CAMTA1: variants seen among roughly 807,000 people sequenced by gnomAD.
CAMTA1 encodes calmodulin-binding transcription activator 1.
In CAMTA1, 27 loss-of-function variants were observed where a neutral mutation model predicts 170.9. That is an observed-to-expected ratio of 0.16 (90% confidence interval 0.12 to 0.22). The LOEUF (loss-of-function observed/expected upper bound fraction) is 0.22, where lower values mean the gene tolerates loss of function less well. CAMTA1 is among the 10% of genes least tolerant of loss of function. The probability of loss-of-function intolerance (pLI) is 1.00; values close to 1 mark genes in which losing one functional copy is unlikely to be tolerated. For synonymous variants in CAMTA1, 833 were observed against 891.5 expected, an observed-to-expected ratio of 0.93 and a Z score of 1.17; for missense variants, 1,619 against 2,217.2, an observed-to-expected ratio of 0.73 and a Z score of 5.42.
chr1:6,798,115 C>T (rs934766681), intron 1 of CAMTA1, among the ~76,000 whole-genome samples: 4 of 151,506 alleles, frequency 2.6e-5, no homozygotes, highest in African/African-American at 9.7e-5. Context: ...TCCTGCCTCG[C>T]CCCCCAAGTA....
At chr1:7,070,965 G>C (rs1372342866) in intron 3 of CAMTA1, among the ~76,000 whole-genome samples, 1 of 152,232 alleles carries the variant, frequency 6.6e-6, no homozygotes, top group Non-Finnish European at 1.5e-5. Flanking sequence ...TTTGGGGCAA[G>C]AGGAAGTTTA....
At chr1:6,793,502 G>A (rs1315136030) in intron 1 of CAMTA1, among the ~76,000 whole-genome samples, 4 of 152,150 alleles carry the variant, frequency 2.6e-5, no homozygotes. Context: ...TCCAGTAAGG[G>A]CAGTACAGTC....
chr1:7,711,577 G>A (rs1022266452), intron 11 of CAMTA1, among the ~76,000 whole-genome samples: 1 of 152,160 alleles, frequency 6.6e-6, no homozygotes, highest in Non-Finnish European at 1.5e-5. Flanking sequence ...ATGAGAAAGA[G>A]GAACCAGAGC....
intron 5 of CAMTA1, among the ~76,000 whole-genome samples, chr1:7,460,077 G>C (rs953859353): frequency 6.6e-6 from 1 of 152,258 alleles, no homozygotes; most frequent in African/African-American, 2.4e-5. Flanking sequence ...GCCGCTCACT[G>C]TGGGTCCCTT....
At chr1:7,702,784 C>G (rs537715058) in intron 11 of CAMTA1, among the ~76,000 whole-genome samples, 1 of 152,088 alleles carries the variant, frequency 6.6e-6, no homozygotes, top group African/African-American at 2.4e-5. Context: ...GTGCCCAGGT[C>G]GAGATTAAAA....
At chr1:6,810,549 G>A (rs1337738295) in intron 1 of CAMTA1, among the ~76,000 whole-genome samples, 1 of 152,182 alleles carries the variant, frequency 6.6e-6, no homozygotes, top group East Asian at 1.9e-4. Flanking sequence ...GCTCATGCCT[G>A]TAATCCCAGC....
At chr1:7,575,688 A>G (rs987797478) in intron 6 of CAMTA1, among the ~76,000 whole-genome samples, 20 of 152,256 alleles carry the variant, frequency 1.3e-4, no homozygotes, top group Admixed American at 3.9e-4. Flanking sequence ...CTCAGAGGGA[A>G]AGAGTGCAGT....
chr1:7,670,892 C>T lies in CAMTA1; in HGVS notation c.2653-19C>T, dbSNP rs781055031. On this transcript the variant is annotated intron_variant, in intron 9 of 22. Coordinates refer to ENST00000303635, the MANE Select transcript of CAMTA1 (RefSeq NM_015215.4). ...AGTGGCTCACACTCCAACTCTGTTC[C>T]CCTCTCTGTTCTCTGCAGGGAGGAG... 7 of 1,612,804 alleles carry T rather than the reference C, an allele frequency of 4.3e-6. No homozygotes were observed. The highest frequency in any genetic ancestry group is 1.3e-5 in the African/African-American group (1 of 74,936).
chr1:6,808,538 C>A (rs774201203), intron 1 of CAMTA1, among the ~76,000 whole-genome samples: 1 of 152,200 alleles, frequency 6.6e-6, no homozygotes, highest in Non-Finnish European at 1.5e-5. Context: ...GCCTTCTTGA[C>A]CTTGCCCCTC....
intron 6 of CAMTA1, among the ~76,000 whole-genome samples, chr1:7,481,136 C>T (rs981613213): frequency 6.6e-6 from 1 of 152,198 alleles, no homozygotes; most frequent in Non-Finnish European, 1.5e-5. Context: ...CTCCCTCCTA[C>T]CCAGAGCTGG....
At chr1:6,912,158 A>G (rs1441788368) in intron 3 of CAMTA1, among the ~76,000 whole-genome samples, 3 of 152,212 alleles carry the variant, frequency 2.0e-5, no homozygotes, top group Admixed American at 2.0e-4. Context: ...TTACTTTTGC[A>G]GCTCAATTGC....
At chr1:7,117,738 A>G (rs1403189489) in intron 4 of CAMTA1, among the ~76,000 whole-genome samples, 1 of 152,110 alleles carries the variant, frequency 6.6e-6, no homozygotes, top group Non-Finnish European at 1.5e-5. Context: ...AAAAATCAGC[A>G]TATCTCAGCC....
chr1:7,435,315 T>G lies in CAMTA1; in HGVS notation c.439-32515T>G, dbSNP rs1179420101. The stretch of plus-strand genomic sequence containing the variant: ...GGCCCCAGGCTGCCTTTATTCTCAC[T>G]GTCTCAGGCATGAACTCAGGCCAGA... On this transcript the variant is annotated intron_variant, in intron 5 of 22. Transcript: ENST00000303635. This position sits in a 1 kb window ranked among gnomAD's most constrained non-coding sequence, Gnocchi z 4.4. Among the ~76,000 whole-genome samples, 2 of 152,176 alleles carry G rather than the reference T, an allele frequency of 1.3e-5. No homozygotes were observed. Among genetic ancestry groups the G allele is most frequent in the Non-Finnish European group, 2.9e-5 (2 of 68,026 alleles).
At chr1:7,163,757 G>A (rs1416379815) in intron 4 of CAMTA1, among the ~76,000 whole-genome samples, 1 of 152,132 alleles carries the variant, frequency 6.6e-6, no homozygotes, top group Non-Finnish European at 1.5e-5. Context: ...TCCTCTGCGG[G>A]ACCCAAAGCA....
intron 3 of CAMTA1, among the ~76,000 whole-genome samples, chr1:6,972,796 G>A (rs1054586460): frequency 1.3e-4 from 20 of 152,168 alleles, no homozygotes; most frequent in African/African-American, 4.8e-4. Flanking sequence ...TGGTAAGAAT[G>A]CTAAACGTGA....
At chr1:6,988,496 A>G (rs1013271099) in intron 3 of CAMTA1, among the ~76,000 whole-genome samples, 34 of 152,184 alleles carry the variant, frequency 2.2e-4, no homozygotes, top group African/African-American at 7.7e-4. Context: ...CACAGATGGA[A>G]ATTCATTTAA....
chr1:7,624,825 C>T (rs1220782301), intron 6 of CAMTA1, among the ~76,000 whole-genome samples: 1 of 152,178 alleles, frequency 6.6e-6, no homozygotes, highest in Admixed American at 6.5e-5. Context: ...CTGGCTGATG[C>T]TGCAGGAGAG....
chr1:6,897,363 G>A (rs1254186828), intron 3 of CAMTA1, among the ~76,000 whole-genome samples: 1 of 145,552 alleles, frequency 6.9e-6, no homozygotes, highest in East Asian at 2.0e-4. Context: ...GCCACTGTGT[G>A]TTTAGGGTCA....
intron 3 of CAMTA1, among the ~76,000 whole-genome samples, chr1:6,896,660 G>T (rs1033966941): frequency 6.6e-6 from 1 of 152,112 alleles, no homozygotes; most frequent in Non-Finnish European, 1.5e-5. Flanking sequence ...CTTCCCTAAA[G>T]AAGCTGATGC....
Sources: gnomAD v4.1 joint callset for allele counts (sites outside exome capture counted in the v4.1 genomes callset) on GRCh38, gnomAD v4.1.1 for gene constraint, Gnocchi (gnomAD v3.1) non-coding constraint, MANE v1.5 for transcripts, NCBI Gene and HGNC (gene_info 2026-07-23, HGNC 2026-07-21) for gene names.